THNSL1: variants seen among roughly 807,000 people sequenced by gnomAD.
THNSL1 encodes the protein threonine synthase-like 1.
THNSL1 carries 48 observed loss-of-function variants against 50.4 expected under a neutral mutation model. That is an observed-to-expected ratio of 0.95 (90% CI 0.76 to 1.21). THNSL1 has a LOEUF of 1.21. Among genes scored for constraint, THNSL1 ranks in the 50% most tolerant of loss-of-function variants. The probability of loss-of-function intolerance (pLI) is 0.00; values close to 1 mark genes in which losing one functional copy is unlikely to be tolerated. For synonymous variants in THNSL1, 309 were observed against 306.1 expected, an observed-to-expected ratio of 1.01 and a Z score of -0.10; for missense variants, 896 against 871.7, an observed-to-expected ratio of 1.03 and a Z score of -0.35.
the THNSL1 span, among the ~76,000 whole-genome samples, chr10:25,002,490 G>A: frequency 6.6e-6 from 1 of 152,106 alleles, no homozygotes; most frequent in Non-Finnish European, 1.5e-5. Context: ...AGAGTATGCT[G>A]GGGCAGTCGT....
the THNSL1 span, among the ~76,000 whole-genome samples, chr10:24,956,794 T>G: frequency 3.3e-5 from 5 of 152,180 alleles, no homozygotes; most frequent in Non-Finnish European, 5.9e-5. Flanking sequence ...TGTGGCCTGT[T>G]AGGAACTGAG....
At position 25,026,608 on chromosome 10, in the gene THNSL1, TTA is replaced by T. The variant is rs1457075779; in HGVS notation, c.*1155_*1156del. 6.1e-6 allele frequency: 1 copy of T among 164,852 alleles called. No homozygotes were observed. The highest frequency in any genetic ancestry group is 1.5e-5 in the Non-Finnish European group (1 of 68,096). 10.2% of individuals were successfully genotyped at this position (164,852 alleles called of 1,614,324 possible). On this transcript the variant is annotated 3_prime_UTR_variant, in exon 3 of 3. Transcript: ENST00000376356. ...TGTAGTAATACATTTTAACCATGATTTATGTTTGTGAATTTACTGGATGTTTT... is the reference window on the plus strand; with the variant it reads ...TGTAGTAATACATTTTAACCATGATTTGTTTGTGAATTTACTGGATGTTTT...
chr10:25,023,714 G>T lies in THNSL1; in HGVS notation c.491G>T (p.Arg164Leu), dbSNP rs750985721. ...LDVPLLDLIC[R>L]LKLMKTDRIV... ...GTACCTCTACTAGATCTAATTTGTC[G>T]TCTAAAATTAATGAAGACAGATAGG... Residue 164 changes from arginine (R) to leucine (L), a missense_variant, in exon 3 of 3, where the codon CGT (arginine) becomes CTT (leucine). Transcript: ENST00000376356. 20 of 1,613,746 alleles carry T rather than the reference G, an allele frequency of 1.2e-5. No individual in the cohort carries two copies. The highest frequency in any genetic ancestry group is 1.4e-5 in the Non-Finnish European group (17 of 1,179,994).
the THNSL1 span, among the ~76,000 whole-genome samples, chr10:24,992,933 T>C: frequency 6.6e-6 from 1 of 152,174 alleles, no homozygotes; most frequent in Admixed American, 6.5e-5. Flanking sequence ...AGTACAATAA[T>C]GGAGCTTCAT....
the THNSL1 span, among the ~76,000 whole-genome samples, chr10:24,971,965 C>T: frequency 3.3e-5 from 5 of 152,052 alleles, no homozygotes; most frequent in South Asian, 2.1e-4. Context: ...CCTAGGCGGG[C>T]GGATCACCTG....
intron 1 of THNSL1, among the ~76,000 whole-genome samples, chr10:25,020,469 A>G (rs1299674437): frequency 6.6e-6 from 1 of 152,126 alleles, no homozygotes; most frequent in Non-Finnish European, 1.5e-5. Context: ...GCGGAAGAAA[A>G]GATGAAAGAT....
At chr10:24,956,553 C>T in the THNSL1 span, among the ~76,000 whole-genome samples, 1 of 146,086 alleles carries the variant, frequency 6.8e-6, no homozygotes, top group Non-Finnish European at 1.5e-5. Flanking sequence ...TACATATTAT[C>T]TATGGGGTAC....
At chr10:24,968,197 G>C in the THNSL1 span, among the ~76,000 whole-genome samples, 2 of 152,114 alleles carry the variant, frequency 1.3e-5, no homozygotes, top group African/African-American at 4.8e-5. Flanking sequence ...TCTAATATAG[G>C]GAGCAAGGTT....
the THNSL1 span, among the ~76,000 whole-genome samples, chr10:24,970,712 C>CTAT: frequency 1.4e-5 from 2 of 145,724 alleles, no homozygotes; most frequent in Non-Finnish European, 3.0e-5. Flanking sequence ...GATCCTGTCT[C>CTAT]TATTAATAAA....
intron 1 of THNSL1, among the ~76,000 whole-genome samples, chr10:25,019,055 GGTCAGAA>G (rs1850668388): frequency 6.6e-6 from 1 of 152,162 alleles, no homozygotes; most frequent in Non-Finnish European, 1.5e-5. Context: ...GAGAATTTTT[GGTCAGAA>G]GTCAGAAGCA....
Position 25,018,117 on chromosome 10 carries a change from G to A in THNSL1, c.-216+1425G>A, listed in dbSNP as rs550627162. Among the ~76,000 whole-genome samples the A allele has an allele frequency of 4.6e-5, 7 of 152,262 alleles. No homozygotes were observed. In the South Asian group the frequency reaches 1.4e-3, roughly 32 times the overall value. ...TCACTGATGTCTGTATATTTATTAT[G>A]CTTTAAAAAATGCTAAACAATTTGT... On this transcript the variant is annotated intron_variant, in intron 1 of 2. Coordinates refer to ENST00000376356, the MANE Select transcript of THNSL1 (RefSeq NM_024838.5).
the THNSL1 span, among the ~76,000 whole-genome samples, chr10:25,004,722 C>G: frequency 5.9e-5 from 9 of 152,090 alleles, no homozygotes; most frequent in Non-Finnish European, 1.3e-4. Flanking sequence ...GTTGTTTACT[C>G]TGTTGATGGT....
the THNSL1 span, among the ~76,000 whole-genome samples, chr10:24,963,831 G>A: frequency 4.6e-5 from 7 of 152,242 alleles, no homozygotes; most frequent in South Asian, 8.3e-4. Context: ...TTCTAGGAAC[G>A]TCTGAAGATT....
the THNSL1 span, among the ~76,000 whole-genome samples, chr10:24,970,319 G>A: frequency 2.0e-5 from 3 of 152,158 alleles, no homozygotes; most frequent in African/African-American, 4.8e-5. Context: ...AGCATTGGTT[G>A]GGAGTCAAAT....
At chr10:24,999,336 T>C in the THNSL1 span, 1 of 1,478,626 alleles carries the variant, frequency 6.8e-7, no homozygotes, top group Non-Finnish European at 9.2e-7. Context: ...TCATCAACAA[T>C]AAAATAATAG....
At chr10:25,005,241 T>C in the THNSL1 span, among the ~76,000 whole-genome samples, 2 of 152,184 alleles carry the variant, frequency 1.3e-5, no homozygotes, top group Non-Finnish European at 2.9e-5. Flanking sequence ...TTATGAGATA[T>C]GGGCTAAAGA....
upstream of THNSL1, among the ~76,000 whole-genome samples, chr10:25,014,565 A>G (rs574324762): frequency 6.6e-6 from 1 of 152,302 alleles, no homozygotes; most frequent in East Asian, 1.9e-4. Flanking sequence ...TTAATTTGCC[A>G]AAGAACAGAA....
chr10:24,971,398 C>T, the THNSL1 span, among the ~76,000 whole-genome samples: 1 of 152,170 alleles, frequency 6.6e-6, no homozygotes, highest in Non-Finnish European at 1.5e-5. Flanking sequence ...AACCACAGCA[C>T]CTGGTCACCC....
chr10:25,024,319 A>T lies in THNSL1; in HGVS notation c.1096A>T (p.Ile366Phe), dbSNP rs1850794821. 6.2e-7 allele frequency: 1 copy of T among 1,614,104 alleles called. No individual in the cohort carries two copies. Among genetic ancestry groups the T allele is most frequent in the African/African-American group, 1.3e-5 (1 of 74,942 alleles). ...TATGCCTCATATTTTTGCACACTGT[A>T]TCCCACCAAGTTGCAATTATATGAT... ...QLMPHIFAHCIPPSCNYMILV... is the reference protein window; with the variant it reads ...QLMPHIFAHCFPPSCNYMILV... Residue 366 changes from isoleucine to phenylalanine, a missense_variant, in exon 3 of 3, where the codon ATC (isoleucine) becomes TTC (phenylalanine). Transcript: ENST00000376356.
Sources: gnomAD v4.1 joint callset for allele counts (sites outside exome capture counted in the v4.1 genomes callset) on GRCh38, gnomAD v4.1.1 for gene constraint, MANE v1.5 for transcripts, NCBI Gene and HGNC (gene_info 2026-07-23, HGNC 2026-07-21) for gene names.